The following SMARCB1 variants were observed in gnomAD, a reference collection of about 807,000 sequenced individuals.
SMARCB1 encodes the protein SWI/SNF-related matrix-associated actin-dependent regulator of chromatin subfamily B member 1.
A neutral mutation model predicts 49.0 loss-of-function variants in SMARCB1; 5 were observed. That is an observed-to-expected ratio of 0.10 (90% confidence interval 0.05 to 0.21). The LOEUF (loss-of-function observed/expected upper bound fraction) is 0.21. Ranked by LOEUF, SMARCB1 falls within the 10% of genes least tolerant of loss-of-function variation. The probability of loss-of-function intolerance (pLI) is 1.00; values close to 1 mark genes in which losing one functional copy is unlikely to be tolerated. For missense variants in SMARCB1, 226 were observed against 509.2 expected (o/e 0.44, Z 5.35); for synonymous variants, 201 against 200.1 (o/e 1.00, Z -0.04).
At chr22:23,818,842 T>A (rs996315295) in intron 6 of SMARCB1, among the ~76,000 whole-genome samples, 1 of 152,214 alleles carries the variant, frequency 6.6e-6, no homozygotes, top group African/African-American at 2.4e-5. Flanking sequence ...CTTCCCTTTT[T>A]AAAATGTATT....
At chr22:23,801,491 C>T (rs1257519250) in intron 4 of SMARCB1, 3 of 438,496 alleles carry the variant, frequency 6.8e-6, no homozygotes, top group Non-Finnish European at 8.8e-6. Flanking sequence ...TCGAGCAGAG[C>T]ACATTTCTTC....
In SMARCB1 at chr22:23,837,397, G is replaced by T; in HGVS notation, c.*3217G>T. On this transcript the variant is annotated 3_prime_UTR_variant, in exon 9 of 9. Coordinates refer to ENST00000644036, the MANE Select transcript of SMARCB1 (RefSeq NM_003073.5). The stretch of plus-strand genomic sequence containing the variant: ...GAATAGTGGAGGAGTGGGAGCCATG[G>T]GGCAGGAACCCTGACCCTCCCATCC... 1 of 651,268 alleles carries T rather than the reference G, an allele frequency of 1.5e-6. No individual in the cohort carries two copies. Among genetic ancestry groups the T allele is most frequent in the Non-Finnish European group, 2.6e-6 (1 of 383,108 alleles). 40.3% of individuals were successfully genotyped at this position (651,268 alleles called of 1,614,324 possible). A position where few individuals can be genotyped will look rare whatever the true frequency, so the allele number is the denominator to read the frequency against.
intron 2 of SMARCB1, chr22:23,793,258 G>T: frequency 2.2e-6 from 1 of 457,702 alleles, no homozygotes; most frequent in South Asian, 2.0e-5. Context: ...GTCCCCGCTG[G>T]TCGTGCTGTA....
intron 5 of SMARCB1, among the ~76,000 whole-genome samples, chr22:23,804,700 T>A (rs982477250): frequency 6.6e-6 from 1 of 152,158 alleles, no homozygotes; most frequent in African/African-American, 2.4e-5. Context: ...CGTGCCACCA[T>A]GCCTGGCTAA....
intron 5 of SMARCB1, among the ~76,000 whole-genome samples, chr22:23,811,569 G>A (rs1438119705): frequency 1.3e-5 from 2 of 152,214 alleles, no homozygotes; most frequent in African/African-American, 4.8e-5. Flanking sequence ...TCAAATACTT[G>A]TAAGCTAAAT....
At chr22:23,818,073 A>T (rs1292025664) in intron 6 of SMARCB1, 1 of 151,782 alleles carries the variant, frequency 6.6e-6, no homozygotes, top group Non-Finnish European at 1.5e-5. Flanking sequence ...TGATCCACCC[A>T]CCTCAGCCTC....
At chr22:23,808,458 G>A (rs1236881305) in intron 5 of SMARCB1, among the ~76,000 whole-genome samples, 4 of 151,962 alleles carry the variant, frequency 2.6e-5, no homozygotes, top group South Asian at 4.2e-4. Flanking sequence ...GGGTTTCACC[G>A]TGTTAGCCAG....
intron 5 of SMARCB1, among the ~76,000 whole-genome samples, chr22:23,808,893 T>C (rs1368564553): frequency 1.3e-5 from 2 of 151,634 alleles, no homozygotes; most frequent in African/African-American, 4.9e-5. Flanking sequence ...GAGAGGGGTT[T>C]CTCCATGTTG....
intron 7 of SMARCB1, among the ~76,000 whole-genome samples, chr22:23,829,764 C>A (rs1756448236): frequency 6.6e-6 from 1 of 152,128 alleles, no homozygotes. Context: ...GTGTAACTAT[C>A]ACCACTGTCA....
chr22:23,806,835 G>A (rs1275991886), intron 5 of SMARCB1, among the ~76,000 whole-genome samples: 4 of 149,452 alleles, frequency 2.7e-5, no homozygotes, highest in East Asian at 2.0e-4. Context: ...CACAAGAATC[G>A]CTTGAACCTG....
chr22:23,802,763 C>T (rs542032618), intron 4 of SMARCB1: 17 of 247,130 alleles, frequency 6.9e-5, no homozygotes, highest in Non-Finnish European at 8.0e-6. Flanking sequence ...TTGGAATCCT[C>T]CTGGGACTCC....
chr22:23,812,238 T>C (rs902011898), intron 5 of SMARCB1, among the ~76,000 whole-genome samples: 1 of 152,178 alleles, frequency 6.6e-6, no homozygotes, highest in African/African-American at 2.4e-5. Context: ...GGAGGATTAC[T>C]TGAGGCCAGG....
chr22:23,821,932 G>A (rs1319271426), intron 6 of SMARCB1, among the ~76,000 whole-genome samples: 1 of 152,020 alleles, frequency 6.6e-6, no homozygotes, highest in Non-Finnish European at 1.5e-5. Context: ...CGAACTCCTG[G>A]GCTCAAGCAA....
chr22:23,794,125 G>C (rs1444558999), intron 3 of SMARCB1, among the ~76,000 whole-genome samples: 1 of 152,158 alleles, frequency 6.6e-6, no homozygotes, highest in Non-Finnish European at 1.5e-5. Flanking sequence ...TGTATTTTTG[G>C]TAGAGACGAG....
At chr22:23,829,657 GT>G (rs1568960143) in intron 7 of SMARCB1, among the ~76,000 whole-genome samples, 2 of 152,184 alleles carry the variant, frequency 1.3e-5, no homozygotes, top group South Asian at 4.1e-4. Context: ...GGTTTTGTTT[GT>G]TTTTTTAACA....
At chr22:23,791,480 G>A (rs769388163) in intron 1 of SMARCB1, among the ~76,000 whole-genome samples, 1 of 152,260 alleles carries the variant, frequency 6.6e-6, no homozygotes, top group Non-Finnish European at 1.5e-5. Flanking sequence ...AAATCACCAC[G>A]AACTTCTTGC....
At position 23,835,702 on chromosome 22, in the gene SMARCB1, T is replaced by C. The variant is rs933305419; in HGVS notation, c.*1522T>C. 2.6e-5 allele frequency: 26 copies of C among 985,392 alleles called. No individual in the cohort carries two copies. The highest frequency in any genetic ancestry group is 1.4e-4 in the South Asian group (3 of 21,296). The allele number at this position is 985,392 out of a possible 1,614,324, so 61.0% of individuals were successfully genotyped here. A position where few individuals can be genotyped will look rare whatever the true frequency, so the allele number is the denominator to read the frequency against. ...TGCTCTTAGACATGAACAGGTTTCATTGCTGAGGTGTTTGTTCTGTCCATG... is the reference window on the plus strand; with the variant it reads ...TGCTCTTAGACATGAACAGGTTTCACTGCTGAGGTGTTTGTTCTGTCCATG... On this transcript the variant is annotated 3_prime_UTR_variant, in exon 9 of 9. Transcript: ENST00000644036.
chr22:23,817,831 C>CTTATA (rs1930288043), intron 6 of SMARCB1: 1 of 151,736 alleles, frequency 6.6e-6, no homozygotes, highest in South Asian at 2.1e-4. Context: ...AACTAAATAT[C>CTTATA]TTATTTAGTT....
intron 5 of SMARCB1, among the ~76,000 whole-genome samples, chr22:23,808,185 A>G (rs1929632655): frequency 6.8e-6 from 1 of 147,498 alleles, no homozygotes; most frequent in African/African-American, 2.5e-5. Context: ...CAGTGGCGCA[A>G]TTTCGGCTCA....
Sources: allele counts gnomAD v4.1 joint callset (sites outside exome capture counted in the v4.1 genomes callset), GRCh38; gene constraint gnomAD v4.1.1; transcripts MANE v1.5; gene names NCBI Gene and HGNC (gene_info 2026-07-23, HGNC 2026-07-21).